BCAT1: variants seen among roughly 807,000 people sequenced by gnomAD.
The protein encoded by BCAT1 is branched-chain-amino-acid aminotransferase, cytosolic.
BCAT1 carries 48 observed loss-of-function variants against 52.4 expected under a neutral mutation model. The ratio of observed to expected loss-of-function variants is 0.92; its 90% CI spans 0.73 to 1.16. The LOEUF is 1.16. Ranked by LOEUF, BCAT1 falls within the 50% of genes most tolerant of loss-of-function variation. The pLI is 0.00. For missense variants in BCAT1, 451 were observed against 457.1 expected, an observed-to-expected ratio of 0.99 and a Z score of 0.12; for synonymous variants, 167 against 161.3, an observed-to-expected ratio of 1.04 and a Z score of -0.27.
At chr12:24,818,331 C>T (rs1939965380) in intron 10 of BCAT1, among the ~76,000 whole-genome samples, 2 of 152,148 alleles carry the variant, frequency 1.3e-5, no homozygotes, top group African/African-American at 4.8e-5. Context: ...AACTCAAATT[C>T]ATAGCTGGTA....
intron 1 of BCAT1, among the ~76,000 whole-genome samples, chr12:24,943,036 C>T (rs933187790): frequency 6.6e-5 from 10 of 152,212 alleles, no homozygotes; most frequent in African/African-American, 2.4e-4. Flanking sequence ...GAGCCAATAG[C>T]CCTCCACTGC....
At chr12:24,898,284 T>C (rs1396429873) in intron 2 of BCAT1, among the ~76,000 whole-genome samples, 1 of 152,240 alleles carries the variant, frequency 6.6e-6, no homozygotes, top group Non-Finnish European at 1.5e-5. Flanking sequence ...CATTCCCTGA[T>C]GACATCGAAG....
intron 1 of BCAT1, among the ~76,000 whole-genome samples, chr12:24,932,682 G>A (rs1307902689): frequency 1.3e-5 from 2 of 152,200 alleles, no homozygotes; most frequent in Admixed American, 6.5e-5. Context: ...TATCGCACAG[G>A]CTGGAGTGCA....
chr12:24,847,446 C>T (rs777961072), intron 6 of BCAT1, among the ~76,000 whole-genome samples: 4 of 152,108 alleles, frequency 2.6e-5, no homozygotes, highest in Admixed American at 6.5e-5. Flanking sequence ...AAATCTATAA[C>T]GACATTTACG....
At position 24,933,109 on chromosome 12, in the gene BCAT1, C is replaced by CT. The variant is rs57512325; in HGVS notation, c.6+15817dup. Among the ~76,000 whole-genome samples, 162 of 68,580 alleles carry CT rather than the reference C, an allele frequency of 2.4e-3. 32 individuals carry two copies. Among genetic ancestry groups the CT allele is most frequent in the African/African-American group, 8.5e-3 (136 of 16,032 alleles). 45.0% of individuals were successfully genotyped at this position (68,580 alleles called of 152,430 possible). ...ACAAGCATGAGCCACCACGCCTGGC[C>CT]TTTTTTTTTTTTTTTTTTTTTTTTT... On this transcript the variant is annotated intron_variant, in intron 1 of 10. Coordinates refer to ENST00000261192, the MANE Select transcript of BCAT1 (RefSeq NM_005504.7).
intron 3 of BCAT1, among the ~76,000 whole-genome samples, chr12:24,887,061 T>TAAAAATAAAAAAA (rs1207898454): frequency 1.3e-4 from 1 of 7,588 alleles, no homozygotes; most frequent in African/African-American, 6.4e-4. Context: ...AGATGCTAGC[T>TAAAAATAAAAAAA]AAAAAAAAAA....
At chr12:24,825,194 C>G (rs1940338698) in intron 10 of BCAT1, among the ~76,000 whole-genome samples, 1 of 151,484 alleles carries the variant, frequency 6.6e-6, no homozygotes, top group Non-Finnish European at 1.5e-5. Flanking sequence ...TATCTGTTGA[C>G]AGACATTTAG....
At chr12:24,832,092 C>T (rs1022049917) in intron 9 of BCAT1, among the ~76,000 whole-genome samples, 1 of 152,146 alleles carries the variant, frequency 6.6e-6, no homozygotes, top group Admixed American at 6.6e-5. Context: ...TTTTCCATAA[C>T]TATTTGCCAT....
intron 6 of BCAT1, among the ~76,000 whole-genome samples, chr12:24,844,894 C>CAAAAAAAAAAGAAAAAAAAAAA (rs1941294172): frequency 2.8e-5 from 1 of 36,002 alleles, no homozygotes; most frequent in Non-Finnish European, 5.1e-5. Flanking sequence ...GAGACTGTCT[C>CAAAAAAAAAAGAAAAAAAAAAA]AAAAAAAAAA....
chr12:24,871,858 C>T (rs1364006796), intron 5 of BCAT1, among the ~76,000 whole-genome samples: 2 of 152,140 alleles, frequency 1.3e-5, no homozygotes, highest in African/African-American at 4.8e-5. Flanking sequence ...TCTCTAAAAA[C>T]AGACTCGATG....
chr12:24,832,869 T>C lies in BCAT1; in HGVS notation c.904-6A>G, dbSNP rs1940743943. 6.2e-7 allele frequency: 1 copy of C among 1,602,100 alleles called. No homozygotes were observed. The highest frequency in any genetic ancestry group is 8.5e-7 in the Non-Finnish European group (1 of 1,174,652). ...TCTGACACCTTAAATTCACCCTGCA[T>C]GGAATATAAAAAATAACAAGTATAT... On this transcript the variant is annotated splice_polypyrimidine_tract_variant and splice_region_variant and intron_variant, in intron 8 of 10. Transcript: ENST00000261192.
At chr12:24,885,710 C>A (rs979417745) in intron 3 of BCAT1, among the ~76,000 whole-genome samples, 1 of 152,148 alleles carries the variant, frequency 6.6e-6, no homozygotes, top group African/African-American at 2.4e-5. Flanking sequence ...AGTAAAACAA[C>A]TGAACACAAA....
chr12:24,892,335 GACC>G (rs892052266), intron 3 of BCAT1, among the ~76,000 whole-genome samples: 15 of 152,084 alleles, frequency 9.9e-5, no homozygotes, highest in African/African-American at 3.6e-4. Context: ...AAAAACCAGT[GACC>G]ACCAAAATCT....
chr12:24,837,463 G>A (rs181184509), intron 7 of BCAT1, among the ~76,000 whole-genome samples: 1,771 of 128,698 alleles, frequency 0.014, 27 homozygotes, highest in Middle Eastern at 0.028. Context: ...TTTTTTTTAG[G>A]TTACCCAGGC....
chr12:24,917,334 A>G (rs767957138), intron 1 of BCAT1, among the ~76,000 whole-genome samples: 13 of 149,858 alleles, frequency 8.7e-5, no homozygotes, highest in Non-Finnish European at 1.8e-4. Context: ...GCCCGCCACC[A>G]CGCCCGGCTA....
rs1054164892 is a variant in BCAT1 at position 24,894,571 on chromosome 12, C to T, written c.79-96G>A. On this transcript the variant is annotated intron_variant, in intron 2 of 10. Transcript: ENST00000261192. ...GAAAAAAAAAAAGGAAATCAATTGA[C>T]TTTTAAAGGTTAGCAGCTAACACAG... is the stretch of plus-strand genomic sequence containing the variant. 82 of 1,074,972 alleles carry T rather than the reference C, an allele frequency of 7.6e-5. 1 individual carries two copies. The South Asian group carries it at 1.3e-3, about 17-fold the overall frequency. 66.6% of individuals were successfully genotyped at this position (1,074,972 alleles called of 1,614,324 possible).
intron 5 of BCAT1, among the ~76,000 whole-genome samples, chr12:24,856,090 T>C (rs965108202): frequency 6.6e-6 from 1 of 152,216 alleles, no homozygotes; most frequent in Non-Finnish European, 1.5e-5. Context: ...CCTTTGCCTG[T>C]AACCTCTGCA....
chr12:24,818,268 T>C (rs1445614604), intron 10 of BCAT1, among the ~76,000 whole-genome samples: 1 of 150,918 alleles, frequency 6.6e-6, no homozygotes, highest in Non-Finnish European at 1.5e-5. Flanking sequence ...ACATAGGGAG[T>C]TTTTTAAAAA....
chr12:24,834,575 G>A (rs1940840233), intron 8 of BCAT1: 2 of 974,084 alleles, frequency 2.1e-6, no homozygotes, highest in Non-Finnish European at 1.2e-6. Context: ...AAACCCACAA[G>A]AGATAAAAAT....
Sources: gnomAD v4.1 joint callset for allele counts (sites outside exome capture counted in the v4.1 genomes callset) on GRCh38, gnomAD v4.1.1 for gene constraint, MANE v1.5 for transcripts, NCBI Gene and HGNC (gene_info 2026-07-23, HGNC 2026-07-21) for gene names.